Variants in GABRB2 observed in about 807,000 individuals in gnomAD.
The protein encoded by GABRB2 is gamma-aminobutyric acid type A receptor subunit beta2, also known as gamma-aminobutyric acid receptor subunit beta-2.
A neutral mutation model predicts 54.7 loss-of-function variants in GABRB2; 16 were observed. The observed-to-expected ratio is 0.29, with a 90% CI of 0.20 to 0.44. The LOEUF is 0.44. Ranked by LOEUF, GABRB2 falls within the 20% of genes least tolerant of loss-of-function variation. The pLI, the probability that GABRB2 is intolerant of heterozygous loss-of-function variation, is 1.00. For synonymous variants in GABRB2, 244 were observed against 233.8 expected (o/e 1.04, Z -0.40); for missense variants, 355 against 644.0 (o/e 0.55, Z 4.86).
At chr5:161,491,954 A>G (rs1759101401) in intron 3 of GABRB2, among the ~76,000 whole-genome samples, 1 of 151,682 alleles carries the variant, frequency 6.6e-6, no homozygotes, top group Admixed American at 6.6e-5. Context: ...ACTGCTCAGT[A>G]ATGAAAAGAA....
At chr5:161,425,186 T>C (rs1182671180) in intron 4 of GABRB2, among the ~76,000 whole-genome samples, 3 of 152,124 alleles carry the variant, frequency 2.0e-5, no homozygotes, top group African/African-American at 7.2e-5. Context: ...CTTACAATAT[T>C]ACATGAACTT....
intron 9 of GABRB2, among the ~76,000 whole-genome samples, chr5:161,313,894 G>A (rs944859425): frequency 4.6e-5 from 7 of 152,166 alleles, no homozygotes; most frequent in Admixed American, 2.6e-4. Flanking sequence ...AGGACTGCCC[G>A]TGCTCTTAAC....
chr5:161,494,329 AAAG>A (rs1759164217), intron 3 of GABRB2, among the ~76,000 whole-genome samples: 1 of 151,856 alleles, frequency 6.6e-6, no homozygotes, highest in African/African-American at 2.4e-5. Context: ...GATGACACAA[AAAG>A]AAGAATTTAA....
At chr5:161,536,754 C>T (rs184381648) in intron 3 of GABRB2, among the ~76,000 whole-genome samples, 67 of 152,210 alleles carry the variant, frequency 4.4e-4, no homozygotes, top group African/African-American at 1.4e-3. Context: ...TGCACCACCA[C>T]GCCCAGCTAA....
Position 161,294,179 on chromosome 5 carries a change from A to G in GABRB2, c.1441T>C (p.Leu481=). 1 of 1,614,164 alleles carries G rather than the reference A, an allele frequency of 6.2e-7. No homozygotes were observed. Among genetic ancestry groups the G allele is most frequent in the Non-Finnish European group, 8.5e-7 (1 of 1,180,006 alleles). ...ASQLKITIPD[L]TDVNAIDRWS... ...CGATCTATGGCATTCACATCAGTCA[A>G]GTCAGGGATGGTGATTTTCAGTTGG... The change falls in exon 10 of 10, where the codon TTG becomes CTG. Residue 481 remains leucine, a synonymous_variant. Transcript: ENST00000393959.
At position 161,449,840 on chromosome 5, in the gene GABRB2, TA is replaced by T. The variant is rs879853195; in HGVS notation, c.458+9783del. 4.7e-3 allele frequency among the ~76,000 whole-genome samples: 703 copies of T among 148,156 alleles called. 4 individuals are homozygous for T. Among genetic ancestry groups the T allele is most frequent in the African/African-American group, 0.016 (658 of 40,636 alleles). On this transcript the variant is annotated intron_variant, in intron 4 of 9. Transcript: ENST00000393959. ...AAACATCTACTGGGAAATACTTTGC[TA>T]AAAAAAAAATAGAGTAAAATGAAGA...
At chr5:161,460,234 C>A (rs1410401819) in intron 3 of GABRB2, among the ~76,000 whole-genome samples, 1 of 151,834 alleles carries the variant, frequency 6.6e-6, no homozygotes, top group African/African-American at 2.4e-5. Context: ...GCATGAGCCA[C>A]CACAACCGGC....
Position 161,471,657 on chromosome 5 carries a change from G to A in GABRB2, c.238-11813C>T, listed in dbSNP as rs143237243. Among the ~76,000 whole-genome samples the A allele has an allele frequency of 3.6e-4, 55 of 152,014 alleles. 1 individual carries two copies. The East Asian group carries it at 7.8e-3, about 22-fold the overall frequency. On this transcript the variant is annotated intron_variant, in intron 3 of 9. Transcript: ENST00000393959. Reference sequence around the variant, plus strand: ...ATAGACCTACCTTCTAGGTGATAACGGGACTGGTTCTAAGGATTGCTAAAA... The same window carrying A: ...ATAGACCTACCTTCTAGGTGATAACAGGACTGGTTCTAAGGATTGCTAAAA...
At chr5:161,542,086 T>C (rs1325090509) in intron 3 of GABRB2, among the ~76,000 whole-genome samples, 2 of 152,166 alleles carry the variant, frequency 1.3e-5, no homozygotes, top group Non-Finnish European at 2.9e-5. Context: ...GGATGACCCA[T>C]TGGTGGAACT....
intron 5 of GABRB2, among the ~76,000 whole-genome samples, chr5:161,394,393 A>G (rs1339693816): frequency 1.3e-5 from 2 of 152,018 alleles, no homozygotes; most frequent in Admixed American, 1.3e-4. Context: ...ACTAGAAAAT[A>G]GAGAAAACTA....
intron 4 of GABRB2, among the ~76,000 whole-genome samples, chr5:161,417,101 C>T (rs1756700898): frequency 1.3e-5 from 2 of 152,124 alleles, no homozygotes; most frequent in Non-Finnish European, 2.9e-5. Context: ...CTTTCAAATT[C>T]TCCAAGAAGA....
At chr5:161,343,478 A>G (rs1009899610) in intron 5 of GABRB2, among the ~76,000 whole-genome samples, 1 of 152,036 alleles carries the variant, frequency 6.6e-6, no homozygotes, top group South Asian at 2.1e-4. Flanking sequence ...TAAAGACCAT[A>G]TATCTATTAA....
At chr5:161,359,972 T>G (rs1359461577) in intron 5 of GABRB2, among the ~76,000 whole-genome samples, 1 of 151,948 alleles carries the variant, frequency 6.6e-6, no homozygotes, top group Non-Finnish European at 1.5e-5. Context: ...TCCCAGCTAC[T>G]CAGGAAGCTG....
At chr5:161,444,709 AATG>A (rs1445407114) in intron 4 of GABRB2, among the ~76,000 whole-genome samples, 28 of 152,134 alleles carry the variant, frequency 1.8e-4, no homozygotes, top group African/African-American at 5.5e-4. Context: ...TCTCACTACT[AATG>A]AAGTTTCTTA....
At chr5:161,538,501 A>G (rs1396812365) in intron 3 of GABRB2, among the ~76,000 whole-genome samples, 3 of 152,196 alleles carry the variant, frequency 2.0e-5, no homozygotes, top group Non-Finnish European at 4.4e-5. Flanking sequence ...GCATAAATAC[A>G]GTAAGAATCT....
intron 4 of GABRB2, among the ~76,000 whole-genome samples, chr5:161,425,814 G>T (rs1027253406): frequency 5.3e-5 from 8 of 152,062 alleles, no homozygotes; most frequent in African/African-American, 1.7e-4. Context: ...AAATAATGGG[G>T]TACCATCTTT....
rs746438725 is a variant in GABRB2, at chr5:161,323,782, G to A, written c.1191+2586C>T. Among the ~76,000 whole-genome samples the A allele has an allele frequency of 4.6e-5, 7 of 152,014 alleles. No individual in the cohort carries two copies. The South Asian group carries it at 6.2e-4, about 14-fold the overall frequency. ...GTGGGAGTGCAAGGTAATTGTGTGC[G>A]TATACACTGTGTGTATGTGTTTATA... On this transcript the variant is annotated intron_variant, in intron 9 of 9. Transcript: ENST00000393959.
chr5:161,423,066 T>C (rs1211334027), intron 4 of GABRB2, among the ~76,000 whole-genome samples: 1 of 152,158 alleles, frequency 6.6e-6, no homozygotes, highest in East Asian at 1.9e-4. Flanking sequence ...CAGGAAGTTT[T>C]TTCTATATTT....
intron 3 of GABRB2, among the ~76,000 whole-genome samples, chr5:161,470,469 A>G (rs1307689088): frequency 1.3e-5 from 2 of 152,028 alleles, no homozygotes; most frequent in South Asian, 2.1e-4. Flanking sequence ...GAACAACTGT[A>G]ACAATATGCC....
Sources: gnomAD v4.1 joint callset for allele counts (sites outside exome capture counted in the v4.1 genomes callset) on GRCh38, gnomAD v4.1.1 for gene constraint, MANE v1.5 for transcripts, NCBI Gene and HGNC (gene_info 2026-07-23, HGNC 2026-07-21) for gene names.